Variants in GNA12 observed in about 807,000 individuals in gnomAD.
GNA12 encodes guanine nucleotide-binding protein subunit alpha-12.
Under a neutral mutation model 26.0 loss-of-function variants are expected in GNA12, and 9 were observed. That is an observed-to-expected ratio of 0.35 (90% confidence interval 0.21 to 0.60). The LOEUF (loss-of-function observed/expected upper bound fraction) is 0.60. Ranked by LOEUF, GNA12 falls within the 20% of genes least tolerant of loss-of-function variation. The pLI, the probability that GNA12 is intolerant of heterozygous loss-of-function variation, is 0.78. For synonymous variants in GNA12, 264 were observed against 219.6 expected (o/e 1.20, Z -1.79); for missense variants, 405 against 525.8 (o/e 0.77, Z 2.25).
rs756414986 is a variant in GNA12 at position 2,843,986 on chromosome 7, T to C, written c.176A>G (p.Lys59Arg). 1.3e-6 allele frequency: 2 copies of C among 1,580,718 alleles called. No individual in the cohort carries two copies. The highest frequency in any genetic ancestry group is 1.7e-6 in the Non-Finnish European group (2 of 1,165,732). ...CTCGCCCGCGCCCAGCAGCAGGATC[T>C]TCACCAGGCGCCGGACCGCGCGCCG... is the stretch of plus-strand genomic sequence containing the variant. ...RERRAVRRLV[K>R]ILLLGAGESG... The change falls in exon 1 of 4, where the codon AAG (lysine) becomes AGG (arginine). Residue 59 changes from lysine to arginine, a missense_variant. Coordinates refer to ENST00000275364, the MANE Select transcript of GNA12 (RefSeq NM_007353.3).
chr7:2,826,725 C>G (rs1793493065), intron 1 of GNA12, among the ~76,000 whole-genome samples: 1 of 152,162 alleles, frequency 6.6e-6, no homozygotes, highest in Admixed American at 6.5e-5. Context: ...ACAGGACATT[C>G]TGGAAAAGGA....
At chr7:2,826,839 A>C (rs1402402426) in intron 1 of GNA12, among the ~76,000 whole-genome samples, 1 of 152,136 alleles carries the variant, frequency 6.6e-6, no homozygotes, top group Admixed American at 6.6e-5. Context: ...GGGCAGTGAA[A>C]CTATTTTGAA....
chr7:2,781,783 G>A (rs879629973), intron 2 of GNA12, among the ~76,000 whole-genome samples: 4 of 152,090 alleles, frequency 2.6e-5, no homozygotes, highest in Admixed American at 6.6e-5. Context: ...GATAGAGCAA[G>A]TCCATGTTAT....
intron 1 of GNA12, among the ~76,000 whole-genome samples, chr7:2,821,553 C>T (rs941644473): frequency 1.3e-5 from 2 of 152,220 alleles, no homozygotes; most frequent in South Asian, 2.1e-4. Flanking sequence ...CAACTCCAAA[C>T]GAACTCACTG....
At chr7:2,807,579 A>G (rs1178476807) in intron 1 of GNA12, among the ~76,000 whole-genome samples, 1 of 151,190 alleles carries the variant, frequency 6.6e-6, no homozygotes, top group Non-Finnish European at 1.5e-5. Context: ...AATAAGGTAT[A>G]AGAGAGAAAA....
intron 1 of GNA12, among the ~76,000 whole-genome samples, chr7:2,837,867 G>T (rs1275229244): frequency 5.9e-5 from 9 of 151,996 alleles, no homozygotes; most frequent in Non-Finnish European, 2.9e-5. Flanking sequence ...ATTTTATTCA[G>T]TCAAAAGGGG....
Position 2,731,728 on chromosome 7 carries a change from T to A in GNA12, c.599A>T (p.Asp200Val). 1 of 1,544,802 alleles carries A rather than the reference T, an allele frequency of 6.5e-7. No homozygotes were observed. The highest frequency in any genetic ancestry group is 8.8e-7 in the Non-Finnish European group (1 of 1,140,418). ...GQLNYFPSKQ[D>V]ILLARKATKG... ...GGTGGCTTTCCTAGCCAGCAGGATATCTTGCTTACTAGGAAAGTAATTCTG... is the reference window on the plus strand; with the variant it reads ...GGTGGCTTTCCTAGCCAGCAGGATAACTTGCTTACTAGGAAAGTAATTCTG... Residue 200 changes from aspartate (D) to valine (V), a missense_variant, in exon 4 of 4, where the codon GAT (aspartate) becomes GTT (valine). Physicochemically the swap from Asp to Val is radical, Grantham distance 152 (BLOSUM62 -3). Coordinates refer to ENST00000275364, the MANE Select transcript of GNA12 (RefSeq NM_007353.3). This position sits in a 1 kb window ranked among gnomAD's most constrained non-coding sequence, Gnocchi z 6.0.
At position 2,780,048 on chromosome 7, in the gene GNA12, GTACATATATATATATATATA is replaced by G. The variant is rs1199249345; in HGVS notation, c.525+14860_525+14879del. Among the ~76,000 whole-genome samples, 189 of 84,728 alleles carry G rather than the reference GTACATATATATATATATATA, an allele frequency of 2.2e-3. 9 individuals carry two copies. Among genetic ancestry groups the G allele is most frequent in the African/African-American group, 9.1e-3 (159 of 17,436 alleles). 55.6% of individuals were successfully genotyped at this position (84,728 alleles called of 152,430 possible). On this transcript the variant is annotated intron_variant, in intron 2 of 3. Transcript: ENST00000275364. ...GTACTAGTTTTTTACACATTTCTGT[GTACATATATATATATATATA>G]TATATATATATATATATATATATAT...
intron 2 of GNA12, among the ~76,000 whole-genome samples, chr7:2,759,758 AAC>A (rs1455214478): frequency 1.3e-5 from 2 of 152,224 alleles, no homozygotes; most frequent in African/African-American, 2.4e-5. Context: ...AAAGAGAAAA[AAC>A]ACAGACTGAA....
chr7:2,765,468 AAG>A (rs1353480902), intron 2 of GNA12, among the ~76,000 whole-genome samples: 2 of 151,784 alleles, frequency 1.3e-5, no homozygotes, highest in African/African-American at 4.8e-5. Flanking sequence ...CTACAACAGG[AAG>A]ACTTTGTTAA....
rs571815685 is a variant in GNA12 at position 2,766,920 on chromosome 7, A to C, written c.525+28008T>G. Among the ~76,000 whole-genome samples, 32 of 152,286 alleles carry C rather than the reference A, an allele frequency of 2.1e-4. No homozygotes were observed. In the South Asian group the frequency reaches 6.2e-3, roughly 30 times the overall value. On this transcript the variant is annotated intron_variant, in intron 2 of 3. Transcript: ENST00000275364. ...CTTGTTATTTTGTTTTTCTTCTGAT[A>C]GTAGCCATTCTAATGGATGTGTGGT...
chr7:2,749,420 C>T (rs933186612), intron 2 of GNA12, among the ~76,000 whole-genome samples: 5 of 150,500 alleles, frequency 3.3e-5, no homozygotes, highest in Admixed American at 1.3e-4. Flanking sequence ...GACAAAAAAC[C>T]AAACACCCCA....
At chr7:2,782,517 C>T (rs181533837) in intron 2 of GNA12, among the ~76,000 whole-genome samples, 27 of 152,308 alleles carry the variant, frequency 1.8e-4, no homozygotes, top group African/African-American at 3.8e-4. Flanking sequence ...CTCTTTCTGG[C>T]GCCTGCTGTA....
At chr7:2,775,129 G>GT (rs1225188894) in intron 2 of GNA12, among the ~76,000 whole-genome samples, 4 of 152,156 alleles carry the variant, frequency 2.6e-5, no homozygotes, top group Non-Finnish European at 5.9e-5. Flanking sequence ...TACCAAATTC[G>GT]TAACAGGGGA....
At chr7:2,762,735 C>T in intron 2 of GNA12, 1 of 1,556,196 alleles carries the variant, frequency 6.4e-7, no homozygotes, top group South Asian at 1.2e-5. Flanking sequence ...CCATGTCCTC[C>T]CTCCCGCAGG....
chr7:2,785,460 C>T (rs901072148), intron 2 of GNA12, among the ~76,000 whole-genome samples: 7 of 152,122 alleles, frequency 4.6e-5, no homozygotes, highest in Non-Finnish European at 8.8e-5. Flanking sequence ...GTTAATTTAG[C>T]GTGAAAGGTT....
chr7:2,763,139 T>C, intron 2 of GNA12: 1 of 1,223,748 alleles, frequency 8.2e-7, no homozygotes. Context: ...CTCAGAAGCA[T>C]TTCTCGAATA....
chr7:2,785,986 G>A (rs1273703007), intron 2 of GNA12, among the ~76,000 whole-genome samples: 2 of 152,252 alleles, frequency 1.3e-5, no homozygotes. Context: ...ACAATCGCTT[G>A]AACCCAGGAG....
At position 2,804,879 on chromosome 7, in the gene GNA12, C is replaced by T. The variant is rs374515808; in HGVS notation, c.310-9736G>A. Among the ~76,000 whole-genome samples the T allele has an allele frequency of 1.1e-4, 17 of 150,652 alleles. 1 individual carries two copies. In the East Asian group the frequency reaches 1.6e-3, roughly 14 times the overall value. ...TTGGAGACCAGCCTGGACAACTTAC[C>T]GAGACCCTATCTCTATTAAAATAAA... On this transcript the variant is annotated intron_variant, in intron 1 of 3. Coordinates refer to ENST00000275364, the MANE Select transcript of GNA12 (RefSeq NM_007353.3).
Sources: allele counts gnomAD v4.1 joint callset (sites outside exome capture counted in the v4.1 genomes callset), GRCh38; gene constraint gnomAD v4.1.1; non-coding constraint Gnocchi (gnomAD v3.1); transcripts MANE v1.5; gene names NCBI Gene and HGNC (gene_info 2026-07-23, HGNC 2026-07-21).